OR3A2: variants seen among roughly 807,000 people sequenced by gnomAD.
The protein encoded by OR3A2 is olfactory receptor 3A2.
For synonymous variants in OR3A2, 126 were observed against 159.3 expected, an observed-to-expected ratio of 0.79 and a Z score of 1.57; for missense variants, 318 against 392.8, an observed-to-expected ratio of 0.81 and a Z score of 1.61.
chr17:3,279,268 A>G (rs1365081774), intron 1 of OR3A2, 115 bp from the exon 4 acceptor site: 1 of 344,236 alleles, frequency 2.9e-6, no homozygotes, highest in African/African-American at 2.1e-5. Context: ...TGAGATGATG[A>G]ATATGTTAAT....
At chr17:3,298,822 T>C (rs544780508) in intron 3 of OR3A2, among the ~76,000 whole-genome samples, 1 of 152,158 alleles carries the variant, frequency 6.6e-6, no homozygotes, top group Non-Finnish European at 1.5e-5. Flanking sequence ...AAGGGCCATA[T>C]ACGAGAAAAC....
At chr17:3,310,184 C>T (rs1007754324) in intron 3 of OR3A2, 11 of 387,338 alleles carry the variant, frequency 2.8e-5, no homozygotes, top group African/African-American at 2.1e-4. Flanking sequence ...TGCGTTCTTC[C>T]ATCCCGGCCC....
chr17:3,314,608 C>T (rs1380473011), intron 3 of OR3A2, among the ~76,000 whole-genome samples: 1 of 152,108 alleles, frequency 6.6e-6, no homozygotes, highest in Admixed American at 6.5e-5. Context: ...TGGGGAATGA[C>T]TTTCGGTTTT....
chr17:3,378,090 C>T (rs569485793), intron 2 of OR3A2, among the ~76,000 whole-genome samples: 20 of 152,328 alleles, frequency 1.3e-4, no homozygotes, highest in African/African-American at 4.1e-4. Context: ...GCCTGGCCCC[C>T]AGGCTTCAGG....
At chr17:3,332,866 A>C (rs2049249537) in intron 3 of OR3A2, among the ~76,000 whole-genome samples, 1 of 152,228 alleles carries the variant, frequency 6.6e-6, no homozygotes, top group Non-Finnish European at 1.5e-5. Flanking sequence ...TAAGCAGAGA[A>C]TGTACGTCAC....
chr17:3,320,751 T>A (rs1003555076), intron 3 of OR3A2, among the ~76,000 whole-genome samples: 18 of 152,140 alleles, frequency 1.2e-4, no homozygotes, highest in Non-Finnish European at 2.6e-4. Flanking sequence ...TCTGTTTTGG[T>A]ACTAGTACCA....
chr17:3,346,868 C>T (rs2049368427), intron 2 of OR3A2, among the ~76,000 whole-genome samples: 1 of 152,128 alleles, frequency 6.6e-6, no homozygotes, highest in South Asian at 2.1e-4. Flanking sequence ...AAATGACTGA[C>T]TCTCATTTTT....
intron 2 of OR3A2, among the ~76,000 whole-genome samples, chr17:3,343,237 C>G (rs146973034): frequency 2.0e-5 from 3 of 152,210 alleles, no homozygotes; most frequent in Non-Finnish European, 2.9e-5. Context: ...CCCTGCCCTG[C>G]TTCGGCTCAC....
rs1555525727 is a variant in OR3A2, at chr17:3,303,946, A to ATT, written c.-84-24795_-84-24794dup. ...ATAAATATATATATTATATATATAT[A>ATT]TTAGAAGTTTTGGTACTAATATATA... On this transcript the variant is annotated intron_variant, in intron 3 of 4. Transcript: ENST00000573491. Among the ~76,000 whole-genome samples the ATT allele has an allele frequency of 6.2e-5, 9 of 145,792 alleles. No individual in the cohort carries two copies. The South Asian group carries it at 1.9e-3, about 31-fold the overall frequency.
intron 2 of OR3A2, among the ~76,000 whole-genome samples, chr17:3,374,249 T>G (rs2049659664): frequency 6.6e-6 from 1 of 152,200 alleles, no homozygotes; most frequent in Non-Finnish European, 1.5e-5. Flanking sequence ...CACCTTAACT[T>G]TAGATAACCT....
At chr17:3,358,989 T>G (rs1015308656) in intron 2 of OR3A2, among the ~76,000 whole-genome samples, 1 of 151,868 alleles carries the variant, frequency 6.6e-6, no homozygotes, top group Non-Finnish European at 1.5e-5. Flanking sequence ...ATATTTAGGA[T>G]ATTCAGATCT....
At chr17:3,335,822 G>C (rs4790468) in intron 3 of OR3A2, among the ~76,000 whole-genome samples, 2 of 152,150 alleles carry the variant, frequency 1.3e-5, no homozygotes, top group Non-Finnish European at 2.9e-5. Context: ...GTTTGTTTAA[G>C]AATACACCAC....
chr17:3,332,405 A>G (rs1017237493), intron 3 of OR3A2, among the ~76,000 whole-genome samples: 2 of 152,202 alleles, frequency 1.3e-5, no homozygotes, highest in Non-Finnish European at 1.5e-5. Context: ...GCAGGATATA[A>G]TCTCATGGTG....
At chr17:3,340,226 T>G (rs1161639964) in intron 2 of OR3A2, among the ~76,000 whole-genome samples, 1 of 152,218 alleles carries the variant, frequency 6.6e-6, no homozygotes, top group Non-Finnish European at 1.5e-5. Flanking sequence ...AGCTCCTGGA[T>G]TCACTGATTT....
intron 3 of OR3A2, among the ~76,000 whole-genome samples, chr17:3,318,944 T>C (rs1029262783): frequency 1.4e-5 from 2 of 146,568 alleles, no homozygotes; most frequent in Non-Finnish European, 3.0e-5. Flanking sequence ...ATTGTAGTTT[T>C]ACTTTGCATT....
At chr17:3,374,593 T>C (rs2049663203) in intron 2 of OR3A2, among the ~76,000 whole-genome samples, 1 of 152,234 alleles carries the variant, frequency 6.6e-6, no homozygotes, top group South Asian at 2.1e-4. Context: ...CTTCCCAATG[T>C]ATTTTGCATT....
intron 1 of OR3A2, among the ~76,000 whole-genome samples, chr17:3,384,524 G>A (rs1180111859): frequency 2.0e-5 from 3 of 152,100 alleles, no homozygotes; most frequent in East Asian, 1.9e-4. Context: ...CCAAGACCCA[G>A]TTCAAGTCTC....
chr17:3,373,004 A>G (rs2049646227), intron 2 of OR3A2, among the ~76,000 whole-genome samples: 1 of 152,054 alleles, frequency 6.6e-6, no homozygotes, highest in Non-Finnish European at 1.5e-5. Context: ...AGGTTGTGTC[A>G]CTCTTATTCA....
chr17:3,371,374 T>A (rs1423703833), intron 2 of OR3A2, among the ~76,000 whole-genome samples: 1 of 144,390 alleles, frequency 6.9e-6, no homozygotes, highest in African/African-American at 2.6e-5. Context: ...GGCGGGGGGC[T>A]GACCCCCCCA....
Sources: allele counts gnomAD v4.1 joint callset (sites outside exome capture counted in the v4.1 genomes callset), GRCh38; gene constraint gnomAD v4.1.1; transcripts MANE v1.5; gene names NCBI Gene and HGNC (gene_info 2026-07-23, HGNC 2026-07-21).